The following STK3 variants were observed in gnomAD, a reference collection of about 807,000 sequenced individuals.
STK3 encodes the protein serine/threonine kinase 3, also known as serine/threonine-protein kinase 3.
Under a neutral mutation model 58.0 loss-of-function variants are expected in STK3, and 41 were observed. The ratio of observed to expected loss-of-function variants is 0.71; its 90% CI spans 0.55 to 0.92. STK3 has a LOEUF of 0.92. Among genes scored for constraint, STK3 ranks in the 40% least tolerant of loss-of-function variants. The pLI is 0.00. For missense variants in STK3, 479 were observed against 602.7 expected, an observed-to-expected ratio of 0.79 and a Z score of 2.15; for synonymous variants, 170 against 191.0, an observed-to-expected ratio of 0.89 and a Z score of 0.91.
chr8:98,371,268 A>T (rs1324610645), downstream of STK3: 2 of 152,228 alleles, frequency 1.3e-5, no homozygotes, highest in Non-Finnish European at 2.9e-5. Flanking sequence ...GATCCCATCC[A>T]GTAAGGACGA....
At chr8:98,854,116 A>AC (rs1836579790) in intron 3 of STK3, among the ~76,000 whole-genome samples, 1 of 152,102 alleles carries the variant, frequency 6.6e-6, no homozygotes, top group African/African-American at 2.4e-5. Flanking sequence ...ATTGGAAAGG[A>AC]AGAAGTAAAA....
intron 2 of STK3, among the ~76,000 whole-genome samples, chr8:98,772,016 T>G (rs1021801804): frequency 5.3e-5 from 8 of 152,224 alleles, no homozygotes; most frequent in African/African-American, 1.9e-4. Context: ...AGTTTATTTT[T>G]TGCCTTTCTT....
Position 98,673,534 on chromosome 8 carries a change from C to T in STK3, c.684+32933G>A, listed in dbSNP as rs1822981238. On this transcript the variant is annotated intron_variant, in intron 6 of 10. Coordinates refer to ENST00000419617, the MANE Select transcript of STK3 (RefSeq NM_006281.4). ...ACAAAAGTCACATATTGCATGATTC[C>T]ATTTAGATAAAATATATAAATCCAT... 2.0e-5 allele frequency among the ~76,000 whole-genome samples: 3 copies of T among 151,436 alleles called. No homozygotes were observed. The South Asian group carries it at 6.3e-4, about 32-fold the overall frequency.
chr8:98,427,985 C>T (rs763172699), intron 3 of STK3: 21 of 1,535,638 alleles, frequency 1.4e-5, no homozygotes, highest in Non-Finnish European at 1.6e-5. Flanking sequence ...CCAGCATGAC[C>T]GGCCAGAGCC....
chr8:98,598,090 T>C (rs764750185), intron 6 of STK3: 78 of 985,290 alleles, frequency 7.9e-5, no homozygotes, highest in Non-Finnish European at 8.8e-5. Context: ...AGCCCCTATA[T>C]AGACTGACCT....
chr8:98,929,248 G>A (rs1429659095), intron 1 of STK3, among the ~76,000 whole-genome samples: 3 of 152,122 alleles, frequency 2.0e-5, no homozygotes, highest in Admixed American at 2.0e-4. Flanking sequence ...CAGGCAACAA[G>A]AGCAAAACTC....
intron 10 of STK3, among the ~76,000 whole-genome samples, chr8:98,456,775 T>C (rs1363778664): frequency 6.6e-6 from 1 of 152,220 alleles, no homozygotes; most frequent in African/African-American, 2.4e-5. Context: ...TACTTTTTGT[T>C]TTAAGAAGAT....
chr8:98,918,854 C>A (rs1291195229), intron 1 of STK3, among the ~76,000 whole-genome samples: 2 of 151,812 alleles, frequency 1.3e-5, no homozygotes, highest in Non-Finnish European at 2.9e-5. Context: ...CAAATTCATG[C>A]CTCAGCAGAG....
At chr8:98,776,216 T>G (rs748537540) in intron 1 of STK3, among the ~76,000 whole-genome samples, 4 of 152,210 alleles carry the variant, frequency 2.6e-5, no homozygotes, top group Admixed American at 6.5e-5. Context: ...GAAGGCACAC[T>G]AAGTGTAAAC....
chr8:98,492,612 A>G (rs1053621442), intron 10 of STK3, among the ~76,000 whole-genome samples: 2 of 151,924 alleles, frequency 1.3e-5, no homozygotes, highest in African/African-American at 4.8e-5. Flanking sequence ...TTTTTTTGGC[A>G]GGAATGGAAT....
chr8:98,783,141 T>A (rs1832219653), intron 1 of STK3, among the ~76,000 whole-genome samples: 1 of 152,144 alleles, frequency 6.6e-6, no homozygotes, highest in Non-Finnish European at 1.5e-5. Flanking sequence ...TCAGAGATAC[T>A]GCAGGTTCAG....
chr8:98,847,387 T>A (rs539946121), intron 3 of STK3, among the ~76,000 whole-genome samples: 21 of 152,202 alleles, frequency 1.4e-4, no homozygotes, highest in African/African-American at 5.1e-4. Context: ...CACTGTCAAC[T>A]CCATGAGCTA....
At chr8:98,430,641 A>T (rs1348265081) in intron 3 of STK3, 1 of 167,052 alleles carries the variant, frequency 6.0e-6, no homozygotes, top group African/African-American at 2.4e-5. Context: ...GGAAGCATGT[A>T]CTCAAAATAT....
chr8:98,714,848 A>T (rs1165605232), intron 4 of STK3, among the ~76,000 whole-genome samples: 2 of 152,336 alleles, frequency 1.3e-5, no homozygotes, highest in Non-Finnish European at 2.9e-5. Flanking sequence ...CAAAGGAACA[A>T]AGCTGGAGGC....
At chr8:98,432,952 T>G (rs1043316349) in intron 3 of STK3, 1 of 155,456 alleles carries the variant, frequency 6.4e-6, no homozygotes, top group Non-Finnish European at 1.5e-5. Context: ...GTGTGCAGAT[T>G]AAATAGACAA....
Position 98,749,349 on chromosome 8 carries a change from G to C in STK3, c.278C>G (p.Thr93Arg). The change falls in exon 4 of 11, where the codon ACA becomes AGA. Residue 93 changes from threonine to arginine, a missense_variant. Thr to Arg is a moderately conservative substitution (Grantham distance 71). Transcript: ENST00000419617. ...GTACTCCATAACAATCCAGAGGTCT[G>C]TATTCTTAAAATAACTGCCATAGTA... ...VKYYGSYFKN[T>R]DLWIVMEYCG... 1 of 1,606,626 alleles carries C rather than the reference G, an allele frequency of 6.2e-7. No homozygotes were observed. The highest frequency in any genetic ancestry group is 8.5e-7 in the Non-Finnish European group (1 of 1,175,406).
At chr8:98,511,090 GAAT>G (rs1320014047) in intron 10 of STK3, among the ~76,000 whole-genome samples, 3 of 151,886 alleles carry the variant, frequency 2.0e-5, no homozygotes, top group African/African-American at 7.3e-5. Context: ...CAAAAAATAT[GAAT>G]AATAACATAT....
At position 98,795,827 on chromosome 8, in the gene STK3, A is replaced by G. The variant is rs868288946; in HGVS notation, c.27-21008T>C. Among the ~76,000 whole-genome samples, 228 of 147,038 alleles carry G rather than the reference A, an allele frequency of 1.6e-3. 3 individuals are homozygous for G. Among genetic ancestry groups the G allele is most frequent in the South Asian group, 0.015 (73 of 4,796 alleles). The stretch of plus-strand genomic sequence containing the variant: ...AATACAATACAATACAATACAATAC[A>G]ATACAATACAATACAATACAATACA... On this transcript the variant is annotated intron_variant, in intron 1 of 10. Transcript: ENST00000419617.
chr8:98,855,357 A>G (rs143178955), intron 3 of STK3, among the ~76,000 whole-genome samples: 8 of 152,360 alleles, frequency 5.3e-5, no homozygotes, highest in Admixed American at 3.3e-4. Flanking sequence ...ATAAATTTAT[A>G]TATCTATGGC....
Sources: gnomAD v4.1 joint callset for allele counts (sites outside exome capture counted in the v4.1 genomes callset) on GRCh38, gnomAD v4.1.1 for gene constraint, MANE v1.5 for transcripts, NCBI Gene and HGNC (gene_info 2026-07-23, HGNC 2026-07-21) for gene names.